LRRC1: variants seen among roughly 807,000 people sequenced by gnomAD.
LRRC1 encodes the protein leucine rich repeat containing 1.
LRRC1 carries 28 observed loss-of-function variants against 69.9 expected under a neutral mutation model. The observed-to-expected ratio is 0.40, with a 90% CI of 0.30 to 0.55. The LOEUF (loss-of-function observed/expected upper bound fraction) is 0.55. Ranked by LOEUF, LRRC1 falls within the 20% of genes least tolerant of loss-of-function variation. The probability of loss-of-function intolerance (pLI) is 0.47; values close to 1 mark genes in which losing one functional copy is unlikely to be tolerated. For synonymous variants in LRRC1, 236 were observed against 240.2 expected, an observed-to-expected ratio of 0.98 and a Z score of 0.16; for missense variants, 498 against 609.0, an observed-to-expected ratio of 0.82 and a Z score of 1.92.
intron 1 of LRRC1, among the ~76,000 whole-genome samples, chr6:53,836,848 A>G (rs994199637): frequency 1.3e-5 from 2 of 152,200 alleles, no homozygotes; most frequent in African/African-American, 4.8e-5. Context: ...TCTTATATCT[A>G]GAGGTAGCCA....
rs991149829 is a variant in LRRC1, at chr6:53,923,942, A to T, written c.*1149A>T. The T allele has an allele frequency of 6.5e-6, 1 of 152,698 alleles. No individual in the cohort carries two copies. The highest frequency in any genetic ancestry group is 1.5e-5 in the Non-Finnish European group (1 of 68,046). The allele number at this position is 152,698 out of a possible 1,614,324, so 9.5% of individuals were successfully genotyped here. ...CAAAGTATCACAAAATACTGCTTCAAGATTTAATTTTAAATCTGCTAATTT... is the reference window on the plus strand; with the variant it reads ...CAAAGTATCACAAAATACTGCTTCATGATTTAATTTTAAATCTGCTAATTT... On this transcript the variant is annotated 3_prime_UTR_variant, in exon 14 of 14. Transcript: ENST00000370888.
intron 10 of LRRC1, among the ~76,000 whole-genome samples, chr6:53,911,739 C>A (rs989686330): frequency 1.3e-5 from 2 of 152,210 alleles, no homozygotes; most frequent in African/African-American, 4.8e-5. Flanking sequence ...CCATGGGAAC[C>A]TAGTCATTCT....
At chr6:53,824,341 T>A (rs1211971527) in intron 1 of LRRC1, among the ~76,000 whole-genome samples, 2 of 152,314 alleles carry the variant, frequency 1.3e-5, no homozygotes, top group Admixed American at 1.3e-4. Context: ...ATGGTGTTTT[T>A]TTTTGTTTGT....
At chr6:53,899,984 G>T in intron 8 of LRRC1, 93 bp downstream of exon 8, 2 of 821,086 alleles carry the variant, frequency 2.4e-6, no homozygotes, top group Non-Finnish European at 3.6e-6. Context: ...ACCACTTTCA[G>T]ATGCTGAGGA....
At chr6:53,878,359 A>G (rs945785001) in intron 2 of LRRC1, among the ~76,000 whole-genome samples, 1 of 152,194 alleles carries the variant, frequency 6.6e-6, no homozygotes, top group African/African-American at 2.4e-5. Flanking sequence ...TTACATTGTA[A>G]TATATAATGA....
At chr6:53,835,125 T>G (rs937574120) in intron 1 of LRRC1, among the ~76,000 whole-genome samples, 2 of 151,548 alleles carry the variant, frequency 1.3e-5, no homozygotes, top group Non-Finnish European at 2.9e-5. Flanking sequence ...TTCACCCAAG[T>G]GCGCAATTCT....
At chr6:53,795,649 C>T (rs1023859258) in intron 1 of LRRC1, among the ~76,000 whole-genome samples, 1 of 152,214 alleles carries the variant, frequency 6.6e-6, no homozygotes, top group Non-Finnish European at 1.5e-5. Context: ...CACTGGGGCT[C>T]GTGCTATTGG....
intron 2 of LRRC1, among the ~76,000 whole-genome samples, chr6:53,870,054 G>C (rs548201827): frequency 6.6e-6 from 1 of 152,238 alleles, no homozygotes; most frequent in Non-Finnish European, 1.5e-5. Flanking sequence ...TCTGTTTACT[G>C]TCTGCTACTT....
intron 2 of LRRC1, among the ~76,000 whole-genome samples, chr6:53,846,682 T>C (rs1161993250): frequency 6.6e-6 from 1 of 152,256 alleles, no homozygotes; most frequent in Non-Finnish European, 1.5e-5. Flanking sequence ...TTGGAGTATA[T>C]GAACTAGATA....
chr6:53,863,913 A>AGTGGGGTCAG (rs1766612179), intron 2 of LRRC1, among the ~76,000 whole-genome samples: 13 of 152,312 alleles, frequency 8.5e-5, no homozygotes, highest in African/African-American at 2.9e-4. Flanking sequence ...TTATTATCAG[A>AGTGGGGTCAG]AAACCTTTCT....
intron 2 of LRRC1, among the ~76,000 whole-genome samples, chr6:53,870,078 A>T (rs1766832531): frequency 6.6e-6 from 1 of 152,234 alleles, no homozygotes; most frequent in African/African-American, 2.4e-5. Context: ...GCATACAAGC[A>T]ATTTAGCCTG....
At chr6:53,854,287 T>C (rs965720703) in intron 2 of LRRC1, among the ~76,000 whole-genome samples, 1 of 152,204 alleles carries the variant, frequency 6.6e-6, no homozygotes, top group Non-Finnish European at 1.5e-5. Context: ...GACCTATCCC[T>C]GAGAAGACTA....
At chr6:53,868,780 AC>A (rs1285506139) in intron 2 of LRRC1, among the ~76,000 whole-genome samples, 1 of 152,104 alleles carries the variant, frequency 6.6e-6, no homozygotes, top group Non-Finnish European at 1.5e-5. Context: ...CTCTCCAGAT[AC>A]TCTCATTTTG....
At chr6:53,851,949 GT>G (rs1169917424) in intron 2 of LRRC1, among the ~76,000 whole-genome samples, 1 of 152,212 alleles carries the variant, frequency 6.6e-6, no homozygotes, top group Non-Finnish European at 1.5e-5. Flanking sequence ...TTTATTTGAA[GT>G]TTTAAAAACT....
At chr6:53,857,854 A>T (rs1766362705) in intron 2 of LRRC1, among the ~76,000 whole-genome samples, 1 of 152,232 alleles carries the variant, frequency 6.6e-6, no homozygotes, top group Admixed American at 6.5e-5. Context: ...AACAGCAGCG[A>T]TCACTGTTTC....
chr6:53,903,305 G>C (rs1489430945), intron 9 of LRRC1, among the ~76,000 whole-genome samples: 1 of 150,948 alleles, frequency 6.6e-6, no homozygotes, highest in Non-Finnish European at 1.5e-5. Flanking sequence ...CCTCTACCTG[G>C]ACCAGGCTCC....
intron 13 of LRRC1, 43 bp downstream of exon 13, chr6:53,920,804 TAA>T: frequency 6.2e-7 from 1 of 1,607,622 alleles, no homozygotes. Context: ...AGTTCAAAAT[TAA>T]AAGATTAGAA....
At chr6:53,833,236 C>T (rs1765481319) in intron 1 of LRRC1, among the ~76,000 whole-genome samples, 3 of 152,138 alleles carry the variant, frequency 2.0e-5, no homozygotes, top group Admixed American at 2.0e-4. Flanking sequence ...TTCTTTTCTC[C>T]AAGTGATTGC....
intron 1 of LRRC1, among the ~76,000 whole-genome samples, chr6:53,800,331 A>C (rs1200799954): frequency 2.2e-5 from 3 of 136,068 alleles, no homozygotes; most frequent in African/African-American, 8.5e-5. Context: ...AGCTCACTGC[A>C]ACCTCCGTCT....
Sources: allele counts gnomAD v4.1 joint callset (sites outside exome capture counted in the v4.1 genomes callset), GRCh38; gene constraint gnomAD v4.1.1; transcripts MANE v1.5; gene names NCBI Gene and HGNC (gene_info 2026-07-23, HGNC 2026-07-21).